MCPH1: variants seen among roughly 807,000 people sequenced by gnomAD.
MCPH1 encodes microcephalin 1, also known as microcephalin.
Under a neutral mutation model 84.5 loss-of-function variants are expected in MCPH1, and 104 were observed. That is an observed-to-expected ratio of 1.23 (90% confidence interval 1.05 to 1.45). MCPH1 has a LOEUF of 1.45. Ranked by LOEUF, MCPH1 falls within the 40% of genes most tolerant of loss-of-function variation. MCPH1 has a pLI of 0.00. For missense variants in MCPH1, 1,498 were observed against 1,005.7 expected, an observed-to-expected ratio of 1.49 and a Z score of -6.62; for synonymous variants, 514 against 366.8, an observed-to-expected ratio of 1.40 and a Z score of -4.58.
chr8:6,625,370 C>T, intron 13 of MCPH1: 2 of 985,470 alleles, frequency 2.0e-6, no homozygotes, highest in Non-Finnish European at 2.4e-6. Flanking sequence ...GCCCCTTCGA[C>T]AAAGCACATT....
intron 9 of MCPH1, among the ~76,000 whole-genome samples, chr8:6,462,814 C>T (rs1332455503): frequency 1.3e-5 from 2 of 152,172 alleles, no homozygotes; most frequent in Non-Finnish European, 2.9e-5. Context: ...TAAGATAGTA[C>T]CTCATATATA....
At chr8:6,536,311 A>G (rs1484151438) in intron 12 of MCPH1, among the ~76,000 whole-genome samples, 1 of 152,138 alleles carries the variant, frequency 6.6e-6, no homozygotes, top group Non-Finnish European at 1.5e-5. Flanking sequence ...GGCGCCTCAC[A>G]TCAGCACAGG....
intron 3 of MCPH1, 59 bp from the exon 4 acceptor site, chr8:6,431,440 C>A: frequency 8.0e-7 from 1 of 1,249,036 alleles, no homozygotes; most frequent in Non-Finnish European, 1.2e-6. Flanking sequence ...AGATTTAGTG[C>A]TGTGTCAATG....
In MCPH1 at chr8:6,472,064, A is replaced by G. The variant is rs546887470; in HGVS notation, c.1936-5530A>G. 2.6e-5 allele frequency among the ~76,000 whole-genome samples: 4 copies of G among 152,346 alleles called. No homozygotes were observed. In the East Asian group the frequency reaches 7.7e-4, roughly 29 times the overall value. On this transcript the variant is annotated intron_variant, in intron 9 of 13. Coordinates refer to ENST00000344683, the MANE Select transcript of MCPH1 (RefSeq NM_024596.5). ...CAAAAAAGTTCTAGATACAGCATCT[A>G]GAAACACCATAATTAACCTTATTTT...
intron 11 of MCPH1, among the ~76,000 whole-genome samples, chr8:6,482,428 G>T (rs1166279304): frequency 6.6e-6 from 1 of 152,186 alleles, no homozygotes; most frequent in African/African-American, 2.4e-5. Flanking sequence ...GGATAGGGTG[G>T]ACTACTGTCT....
chr8:6,413,527 T>C (rs1008624863), intron 2 of MCPH1, among the ~76,000 whole-genome samples: 1 of 151,920 alleles, frequency 6.6e-6, no homozygotes, highest in Non-Finnish European at 1.5e-5. Context: ...CTTCTGTTGA[T>C]TGGCTGTTGG....
intron 11 of MCPH1, among the ~76,000 whole-genome samples, chr8:6,486,977 A>G (rs1810007368): frequency 6.6e-6 from 1 of 152,194 alleles, no homozygotes; most frequent in African/African-American, 2.4e-5. Flanking sequence ...GTGGATGCTA[A>G]CATACAAGCA....
intron 11 of MCPH1, among the ~76,000 whole-genome samples, chr8:6,489,804 C>G (rs1358262276): frequency 1.1e-4 from 16 of 151,988 alleles, no homozygotes; most frequent in Admixed American, 1.0e-3. Context: ...TGAGTGTGGC[C>G]TTGGGAAGCA....
At chr8:6,524,170 T>A (rs1324133544) in intron 12 of MCPH1, among the ~76,000 whole-genome samples, 1 of 152,238 alleles carries the variant, frequency 6.6e-6, no homozygotes, top group Non-Finnish European at 1.5e-5. Flanking sequence ...TGCAGAGTTT[T>A]GTTTTAAAGG....
intron 8 of MCPH1, among the ~76,000 whole-genome samples, chr8:6,454,452 A>G (rs1326616821): frequency 2.0e-5 from 3 of 152,206 alleles, no homozygotes; most frequent in Admixed American, 1.3e-4. Context: ...GTCATAAAGT[A>G]GGCAAACTGT....
At chr8:6,489,415 G>T (rs1810317796) in intron 11 of MCPH1, among the ~76,000 whole-genome samples, 1 of 152,086 alleles carries the variant, frequency 6.6e-6, no homozygotes, top group Non-Finnish European at 1.5e-5. Flanking sequence ...AGGAAGGAAG[G>T]ATGCTCAGCT....
At chr8:6,433,868 C>A (rs900630420) in intron 4 of MCPH1, among the ~76,000 whole-genome samples, 1 of 151,990 alleles carries the variant, frequency 6.6e-6, no homozygotes, top group East Asian at 1.9e-4. Context: ...GTGCCTCTGT[C>A]TCCCCCCTCA....
chr8:6,496,563 C>T (rs971766103), intron 11 of MCPH1, among the ~76,000 whole-genome samples: 2 of 145,836 alleles, frequency 1.4e-5, no homozygotes. Context: ...CAGTTACATT[C>T]CCACAGGTAT....
At chr8:6,494,794 G>A (rs879826731) in intron 11 of MCPH1, among the ~76,000 whole-genome samples, 1 of 152,148 alleles carries the variant, frequency 6.6e-6, no homozygotes, top group African/African-American at 2.4e-5. Context: ...TTTTTCTGGG[G>A]TGATGAAAGC....
intron 12 of MCPH1, among the ~76,000 whole-genome samples, chr8:6,517,217 G>A (rs1816426649): frequency 6.6e-6 from 1 of 152,102 alleles, no homozygotes; most frequent in African/African-American, 2.4e-5. Flanking sequence ...ACAAACCTAA[G>A]GGCAGTTAAT....
chr8:6,442,421 T>C (rs2129555360), intron 7 of MCPH1, among the ~76,000 whole-genome samples: 1 of 152,338 alleles, frequency 6.6e-6, no homozygotes, highest in Middle Eastern at 3.4e-3. Context: ...ATTGTGAACG[T>C]ATATGAACTA....
At chr8:6,561,527 AGAGT>A (rs1825540999) in intron 12 of MCPH1, among the ~76,000 whole-genome samples, 1 of 152,256 alleles carries the variant, frequency 6.6e-6, no homozygotes, top group Non-Finnish European at 1.5e-5. Flanking sequence ...GTGAAATGAA[AGAGT>A]GAGAAAATAA....
At chr8:6,532,183 A>G (rs1489313790) in intron 12 of MCPH1, 3 of 908,674 alleles carry the variant, frequency 3.3e-6, no homozygotes, top group East Asian at 2.5e-5. Flanking sequence ...AAGCAGCCAT[A>G]CATCCTTAAT....
chr8:6,521,120 G>C (rs1481943436), intron 12 of MCPH1: 3 of 1,401,516 alleles, frequency 2.1e-6, no homozygotes, highest in Admixed American at 2.0e-5. Context: ...TTAGTCTTTT[G>C]AGTGTTTTAC....
Sources: gnomAD v4.1 joint callset for allele counts (sites outside exome capture counted in the v4.1 genomes callset) on GRCh38, gnomAD v4.1.1 for gene constraint, MANE v1.5 for transcripts, NCBI Gene and HGNC (gene_info 2026-07-23, HGNC 2026-07-21) for gene names.